Variants in AATK observed in about 807,000 individuals in gnomAD.
AATK encodes the protein serine/threonine-protein kinase LMTK1.
A neutral mutation model predicts 114.3 loss-of-function variants in AATK; 91 were observed. The observed-to-expected ratio is 0.80, with a 90% CI of 0.67 to 0.95. AATK has a LOEUF of 0.95. Among genes scored for constraint, AATK ranks in the 40% least tolerant of loss-of-function variants. The pLI is 0.00. For missense variants in AATK, 2,176 were observed against 1,965.2 expected (o/e 1.11, Z -2.03); for synonymous variants, 1,075 against 916.5 (o/e 1.17, Z -3.12).
chr17:81,145,905 A>G (rs2061211733), intron 1 of AATK, among the ~76,000 whole-genome samples: 1 of 151,910 alleles, frequency 6.6e-6, no homozygotes, highest in Admixed American at 6.6e-5. Flanking sequence ...AACATAAACA[A>G]GACTGAGCGC....
chr17:81,119,408 C>G lies in AATK; in HGVS notation c.4056G>C (p.Val1352=). 1 of 1,554,794 alleles carries G rather than the reference C, an allele frequency of 6.4e-7. No homozygotes were observed. Among genetic ancestry groups the G allele is most frequent in the South Asian group, 1.2e-5 (1 of 85,708 alleles). Residue 1352 remains valine, a synonymous_variant, in exon 13 of 14, where the codon GTG becomes GTC. Coordinates refer to ENST00000326724, the MANE Select transcript of AATK (RefSeq NM_001080395.3). ...TCTTGGACTCGGCGTCCGAGTCAGACACGTGCGTGATGGAGAAGCGGGACG... is the reference window on the plus strand; with the variant it reads ...TCTTGGACTCGGCGTCCGAGTCAGAGACGTGCGTGATGGAGAAGCGGGACG... The part of the protein sequence containing the change: ...APTSRFSITH[V]SDSDAESKRG...
Position 81,166,004 on chromosome 17 carries a change from CG to C in AATK, c.-13del, listed in dbSNP as rs1567833256. The C allele has an allele frequency of 6.4e-7, 1 of 1,555,928 alleles. No homozygotes were observed. Among genetic ancestry groups the C allele is most frequent in the Non-Finnish European group, 8.7e-7 (1 of 1,153,574 alleles). ...AAGGACGACGACATGGCCGGGCCAG[CG>C]GCCGGCGGGCATCCCGGGAGGGCGC... On this transcript the variant is annotated 5_prime_UTR_variant, in exon 1 of 14. Coordinates refer to ENST00000326724, the MANE Select transcript of AATK (RefSeq NM_001080395.3).
intron 13 of AATK, 42 bp from the exon 14 acceptor site, chr17:81,118,484 A>C: frequency 6.3e-7 from 1 of 1,591,930 alleles, no homozygotes; most frequent in Non-Finnish European, 8.5e-7. Flanking sequence ...GTTCTGAGAC[A>C]CCAGGGCTGC....
rs1404133904 is a variant in AATK, at chr17:81,117,675, A to G, written c.*727T>C. 1 of 152,302 alleles carries G rather than the reference A, an allele frequency of 6.6e-6. No individual in the cohort carries two copies. Among genetic ancestry groups the G allele is most frequent in the Non-Finnish European group, 1.5e-5 (1 of 68,100 alleles). The allele number at this position is 152,302 out of a possible 1,614,324, so 9.4% of individuals were successfully genotyped here. On this transcript the variant is annotated 3_prime_UTR_variant, in exon 14 of 14. Transcript: ENST00000326724. ...GCACGGTCCTGCCAAGGGCACCTCT[A>G]GAACGGGGCCCACGGGGCAGGAGTA...
intron 1 of AATK, among the ~76,000 whole-genome samples, chr17:81,157,530 G>A (rs371095669): frequency 1.8e-4 from 27 of 152,112 alleles, no homozygotes; most frequent in African/African-American, 3.4e-4. Context: ...CTCTAAGTCC[G>A]CCTCTCCTGC....
chr17:81,128,868 C>A, intron 3 of AATK: 1 of 1,171,608 alleles, frequency 8.5e-7, no homozygotes, highest in Non-Finnish European at 1.1e-6. Flanking sequence ...ACATGGGCTG[C>A]ACCAGGCAGG....
intron 2 of AATK, chr17:81,133,346 G>A (rs2060964130): frequency 2.7e-6 from 1 of 376,584 alleles, no homozygotes; most frequent in Non-Finnish European, 5.4e-6. Flanking sequence ...TCTGCGTCAT[G>A]ACATACCAGG....
rs887092857 is a variant in AATK, at chr17:81,129,923, C to G, written c.334+1138G>C. Among the ~76,000 whole-genome samples the G allele has an allele frequency of 2.0e-5, 3 of 152,360 alleles. No individual in the cohort carries two copies. In the South Asian group the frequency reaches 6.2e-4, roughly 32 times the overall value. On this transcript the variant is annotated intron_variant, in intron 3 of 13. Transcript: ENST00000326724. The stretch of plus-strand genomic sequence containing the variant: ...GCCCTGATTCCTGCCGAACTGGGAA[C>G]CTGTCCTCCAGGAGATGGGGCAGAG...
rs745714755 is a variant in AATK at position 81,120,282 on chromosome 17, G to A, written c.3654C>T (p.Ser1218=). 9.3e-6 allele frequency: 15 copies of A among 1,608,406 alleles called. No homozygotes were observed. Among genetic ancestry groups the A allele is most frequent in the East Asian group, 4.5e-5 (2 of 44,726 alleles). ...RSLLKMPSLL[S]ETFCEDLERK... Reference sequence around the variant, plus strand: ...GTTCCAGGTCCTCGCAGAAGGTCTCGGACAGCAGGCTGGGCATCTTGAGCA... The same window carrying A: ...GTTCCAGGTCCTCGCAGAAGGTCTCAGACAGCAGGCTGGGCATCTTGAGCA... Residue 1218 remains serine (S), a synonymous_variant, in exon 11 of 14, where the codon TCC becomes TCT. Coordinates refer to ENST00000326724, the MANE Select transcript of AATK (RefSeq NM_001080395.3).
chr17:81,137,458 C>A (rs371564645), intron 1 of AATK, among the ~76,000 whole-genome samples: 1 of 152,022 alleles, frequency 6.6e-6, no homozygotes, highest in Non-Finnish European at 1.5e-5. Context: ...CACCTGCTCT[C>A]GGCCACCCTG....
At chr17:81,139,564 C>T (rs1363335712) in intron 1 of AATK, among the ~76,000 whole-genome samples, 3 of 152,232 alleles carry the variant, frequency 2.0e-5, no homozygotes, top group African/African-American at 7.2e-5. Flanking sequence ...TCTGCTGCCA[C>T]ACATGCTGCG....
Position 81,126,404 on chromosome 17 carries a change from C to A in AATK, c.755+23G>T. The A allele has an allele frequency of 6.5e-7, 1 of 1,547,664 alleles. No homozygotes were observed. The highest frequency in any genetic ancestry group is 8.7e-7 in the Non-Finnish European group (1 of 1,144,504). On this transcript the variant is annotated intron_variant, in intron 7 of 13. Coordinates refer to ENST00000326724, the MANE Select transcript of AATK (RefSeq NM_001080395.3). This position sits in a 1 kb window ranked among gnomAD's most constrained non-coding sequence, Gnocchi z 5.1. ...GGGGCCTGGCCTAGGGCTTCCCGGC[C>A]GCTGGCCCGCGCCCGCCCTCACCTG... is the stretch of plus-strand genomic sequence containing the variant.
intron 1 of AATK, among the ~76,000 whole-genome samples, chr17:81,158,028 G>C (rs916089184): frequency 6.6e-6 from 1 of 152,250 alleles, no homozygotes; most frequent in Non-Finnish European, 1.5e-5. Context: ...GCAGCAGGGG[G>C]CTGCTGGGCT....
At position 81,120,365 on chromosome 17, in the gene AATK, C is replaced by A; in HGVS notation, c.3571G>T (p.Ala1191Ser). The A allele has an allele frequency of 6.2e-7, 1 of 1,609,728 alleles. No individual in the cohort carries two copies. ...GCCACCACCACGGGCACCGCCGGCG[C>A]CTCCTCTTCGCTGTCCTCGCTAGGC... ...QEPSEDSEEE[A>S]PAVPVVVAES... Residue 1191 changes from alanine to serine, a missense_variant, in exon 11 of 14, where the codon GCG becomes TCG. Physicochemically the swap from Ala to Ser is moderately conservative, Grantham distance 99 (BLOSUM62 1). Coordinates refer to ENST00000326724, the MANE Select transcript of AATK (RefSeq NM_001080395.3).
Position 81,134,472 on chromosome 17 carries a change from G to T in AATK, c.85C>A (p.Pro29Thr), listed in dbSNP as rs374706280. Reference protein sequence around the residue: ...DGAPLSELSWPSSLAVVAVSF... With the variant: ...DGAPLSELSWTSSLAVVAVSF... The stretch of plus-strand genomic sequence containing the variant: ...ACAGCCACCACGGCGAGGGAGGATG[G>T]CCAGGACAGCTCGCTGAGCGGGGCG... The change falls in exon 2 of 14, where the codon CCA becomes ACA. Residue 29 changes from proline to threonine, a missense_variant. Coordinates refer to ENST00000326724, the MANE Select transcript of AATK (RefSeq NM_001080395.3). 209 of 1,612,852 alleles carry T rather than the reference G, an allele frequency of 1.3e-4. No homozygotes were observed. Among genetic ancestry groups the T allele is most frequent in the Non-Finnish European group, 1.7e-4 (199 of 1,179,708 alleles).
intron 2 of AATK, chr17:81,131,920 C>T: frequency 3.0e-6 from 4 of 1,343,274 alleles, no homozygotes; most frequent in Non-Finnish European, 4.0e-6. Context: ...GCCATCTGCC[C>T]CAGCAGCCTT....
intron 1 of AATK, among the ~76,000 whole-genome samples, chr17:81,141,520 C>A (rs1377846611): frequency 6.6e-6 from 1 of 152,134 alleles, no homozygotes; most frequent in Non-Finnish European, 1.5e-5. Flanking sequence ...TCCATGAAAT[C>A]TGTAATCAGT....
chr17:81,144,970 C>T (rs1019870498), intron 1 of AATK, among the ~76,000 whole-genome samples: 2 of 152,214 alleles, frequency 1.3e-5, no homozygotes, highest in Admixed American at 6.5e-5. Context: ...CGGTGGCTCA[C>T]GCCTGTAATC....
At chr17:81,138,716 C>A (rs111211148) in intron 1 of AATK, among the ~76,000 whole-genome samples, 3 of 151,202 alleles carry the variant, frequency 2.0e-5, no homozygotes, top group African/African-American at 7.3e-5. Flanking sequence ...TACCCACACG[C>A]GCAAACCCAC....
Sources: allele counts gnomAD v4.1 joint callset (sites outside exome capture counted in the v4.1 genomes callset), GRCh38; gene constraint gnomAD v4.1.1; non-coding constraint Gnocchi (gnomAD v3.1); transcripts MANE v1.5; gene names NCBI Gene and HGNC (gene_info 2026-07-23, HGNC 2026-07-21).